Variants in GPHN observed in about 807,000 individuals in gnomAD.
GPHN encodes the protein gephyrin.
Under a neutral mutation model 95.5 loss-of-function variants are expected in GPHN, and 17 were observed. The ratio of observed to expected loss-of-function variants is 0.18; its 90% CI spans 0.12 to 0.27. GPHN has a LOEUF of 0.27. Ranked by LOEUF, GPHN falls within the 10% of genes least tolerant of loss-of-function variation. The pLI is 1.00. For missense variants in GPHN, 660 were observed against 978.1 expected (o/e 0.67, Z 4.34); for synonymous variants, 320 against 322.5 (o/e 0.99, Z 0.08).
the GPHN span, among the ~76,000 whole-genome samples, chr14:67,421,327 G>A: frequency 6.6e-6 from 1 of 152,152 alleles, no homozygotes; most frequent in East Asian, 1.9e-4. Context: ...GATCATGATT[G>A]CCTAGCCCAG....
At chr14:67,470,413 C>T in the GPHN span, 6 of 152,364 alleles carry the variant, frequency 3.9e-5, no homozygotes, top group African/African-American at 1.4e-4. Context: ...GACAGTCCCA[C>T]CCACCTCAAA....
chr14:67,467,053 C>G, the GPHN span: 1 of 150,652 alleles, frequency 6.6e-6, no homozygotes, highest in Non-Finnish European at 1.5e-5. Flanking sequence ...AGTAATCAAC[C>G]TATCAACCTT....
chr14:67,523,433 C>T, the GPHN span, among the ~76,000 whole-genome samples: 2 of 152,136 alleles, frequency 1.3e-5, no homozygotes, highest in Non-Finnish European at 2.9e-5. Context: ...ATTAATGTGC[C>T]ATGCACTGTG....
At chr14:67,562,278 T>C in the GPHN span, 3 of 1,613,752 alleles carry the variant, frequency 1.9e-6, no homozygotes, top group Non-Finnish European at 2.5e-6. Context: ...GCAGCTGTGC[T>C]TGCACCTTCC....
chr14:67,221,976 T>C, the GPHN span: 1 of 768,458 alleles, frequency 1.3e-6, no homozygotes, highest in Non-Finnish European at 2.0e-6. Flanking sequence ...CTGAAGAAAC[T>C]CTTTCTCAAA....
chr14:66,823,974 C>T (rs1378716524), intron 3 of GPHN, among the ~76,000 whole-genome samples: 1 of 152,112 alleles, frequency 6.6e-6, no homozygotes, highest in Non-Finnish European at 1.5e-5. Context: ...TAAGAAAAGT[C>T]AGCAGATGGA....
chr14:67,303,389 G>A, the GPHN span: 2 of 657,266 alleles, frequency 3.0e-6, no homozygotes, highest in Non-Finnish European at 5.4e-6. Context: ...CTTTGGTAGA[G>A]CAAAGTGCTG....
At chr14:67,592,814 C>G in the GPHN span, 17 of 807,270 alleles carry the variant, frequency 2.1e-5, no homozygotes, top group African/African-American at 2.7e-4. Context: ...GAGACAGAGT[C>G]TCTCTCTGTT....
intron 1 of GPHN, among the ~76,000 whole-genome samples, chr14:66,605,411 A>G (rs954203859): frequency 6.6e-6 from 1 of 151,754 alleles, no homozygotes; most frequent in Non-Finnish European, 1.5e-5. Flanking sequence ...GTAAGATGGT[A>G]TATTGTTGTA....
chr14:66,964,052 C>T (rs561391534), intron 8 of GPHN, among the ~76,000 whole-genome samples: 15 of 152,018 alleles, frequency 9.9e-5, no homozygotes, highest in Non-Finnish European at 1.5e-4. Flanking sequence ...GACGTATGCC[C>T]GTTACTGGTA....
chr14:67,536,220 C>T, the GPHN span, among the ~76,000 whole-genome samples: 1 of 151,784 alleles, frequency 6.6e-6, no homozygotes, highest in Non-Finnish European at 1.5e-5. Flanking sequence ...AGGCACCCAG[C>T]AGTGGCCAAA....
chr14:67,447,587 AG>A, the GPHN span: 1 of 152,212 alleles, frequency 6.6e-6, no homozygotes, highest in Non-Finnish European at 1.5e-5. Context: ...ATATATTGGG[AG>A]GGTGACCAGG....
chr14:67,581,236 G>A, the GPHN span, among the ~76,000 whole-genome samples: 1 of 151,670 alleles, frequency 6.6e-6, no homozygotes, highest in Non-Finnish European at 1.5e-5. Context: ...CAGGCCTTCT[G>A]TCAGCCTTCC....
the GPHN span, among the ~76,000 whole-genome samples, chr14:67,639,794 G>A: frequency 2.4e-4 from 36 of 152,066 alleles, no homozygotes; most frequent in South Asian, 8.3e-4. Context: ...ACGTGGTGGC[G>A]CACACCTGTA....
the GPHN span, chr14:67,578,296 G>A: frequency 9.0e-7 from 1 of 1,106,054 alleles, no homozygotes; most frequent in Non-Finnish European, 1.3e-6. This position sits in a 1 kb window ranked among gnomAD's most constrained non-coding sequence, Gnocchi z 5.0. Flanking sequence ...TATACGGTGA[G>A]CCCAGCCAGC....
intron 8 of GPHN, among the ~76,000 whole-genome samples, chr14:66,962,537 T>A (rs915568400): frequency 6.6e-6 from 1 of 151,862 alleles, no homozygotes; most frequent in Non-Finnish European, 1.5e-5. Context: ...CTTCCCCTTA[T>A]TCTCATCAAT....
At chr14:67,256,539 C>CT in the GPHN span, among the ~76,000 whole-genome samples, 2 of 151,860 alleles carry the variant, frequency 1.3e-5, no homozygotes, top group African/African-American at 4.8e-5. Context: ...ACTTTATATC[C>CT]TTTTTTCTTT....
chr14:67,681,614 T>G, the GPHN span, among the ~76,000 whole-genome samples: 2 of 152,114 alleles, frequency 1.3e-5, no homozygotes, highest in Non-Finnish European at 2.9e-5. Context: ...AAACCCCATC[T>G]CTACTAAAAA....
the GPHN span, among the ~76,000 whole-genome samples, chr14:67,475,853 C>A: frequency 6.6e-6 from 1 of 152,244 alleles, no homozygotes; most frequent in Non-Finnish European, 1.5e-5. Context: ...TTATCAGGTG[C>A]CACCCCAATG....
Sources: allele counts gnomAD v4.1 joint callset (sites outside exome capture counted in the v4.1 genomes callset), GRCh38; gene constraint gnomAD v4.1.1; non-coding constraint Gnocchi (gnomAD v3.1); transcripts MANE v1.5; gene names NCBI Gene and HGNC (gene_info 2026-07-23, HGNC 2026-07-21).